PCDH7: variants seen among roughly 807,000 people sequenced by gnomAD.
The protein encoded by PCDH7 is protocadherin 7.
PCDH7 carries 17 observed loss-of-function variants against 58.9 expected under a neutral mutation model. The observed-to-expected ratio is 0.29, with a 90% CI of 0.20 to 0.43. PCDH7 has a LOEUF of 0.43. Ranked by LOEUF, PCDH7 falls within the 20% of genes least tolerant of loss-of-function variation. The pLI, the probability that PCDH7 is intolerant of heterozygous loss-of-function variation, is 1.00. For missense variants in PCDH7, 1,274 were observed against 1,441.0 expected (o/e 0.88, Z 1.88); for synonymous variants, 664 against 616.4 (o/e 1.08, Z -1.14).
intron 3 of PCDH7, among the ~76,000 whole-genome samples, chr4:31,061,211 A>G (rs934015925): frequency 2.6e-5 from 4 of 151,700 alleles, no homozygotes; most frequent in African/African-American, 9.7e-5. Flanking sequence ...TGTGGTTTGT[A>G]TCATTTGCAC....
intron 3 of PCDH7, among the ~76,000 whole-genome samples, chr4:31,014,212 A>G (rs958086645): frequency 1.2e-4 from 17 of 139,212 alleles, no homozygotes; most frequent in African/African-American, 4.2e-4. Context: ...AGGGAAACAG[A>G]AAAAAAATAG....
chr4:31,091,060 G>C (rs1713182764), intron 3 of PCDH7, among the ~76,000 whole-genome samples: 3 of 151,872 alleles, frequency 2.0e-5, no homozygotes, highest in Admixed American at 2.0e-4. Context: ...TTCATTTCTA[G>C]CCCAGTTCAT....
downstream of PCDH7, among the ~76,000 whole-genome samples, chr4:30,733,785 A>G (rs1274225211): frequency 6.6e-6 from 1 of 152,230 alleles, no homozygotes; most frequent in African/African-American, 2.4e-5. Flanking sequence ...CTGTGAAAAA[A>G]AATATTCAGT....
intron 1 of PCDH7, among the ~76,000 whole-genome samples, chr4:30,813,843 T>C (rs1409298498): frequency 1.3e-5 from 2 of 152,146 alleles, no homozygotes; most frequent in African/African-American, 4.8e-5. Context: ...GGTTTGACCA[T>C]GTTGGCCAGG....
In PCDH7 at chr4:31,046,057, G is replaced by T. The variant is rs1192593145; in HGVS notation, c.*7+95842G>T. Among the ~76,000 whole-genome samples, 6 of 152,006 alleles carry T rather than the reference G, an allele frequency of 3.9e-5. No homozygotes were observed. The East Asian group carries it at 1.2e-3, about 29-fold the overall frequency. ...CATTCTTTGCATCATCCACAACCCTGCTATCTACAGCAGCTTCCCCTGTCC... is the reference window on the plus strand; with the variant it reads ...CATTCTTTGCATCATCCACAACCCTTCTATCTACAGCAGCTTCCCCTGTCC... On this transcript the variant is annotated intron_variant, in intron 3 of 3. Transcript: ENST00000509759.
chr4:30,961,259 G>C (rs866140297), intron 3 of PCDH7, among the ~76,000 whole-genome samples: 3 of 151,712 alleles, frequency 2.0e-5, no homozygotes, highest in African/African-American at 7.3e-5. Flanking sequence ...ATAAAACCTT[G>C]GCACGCCGGG....
chr4:30,729,133 G>T (rs1715092727), intron 1 of PCDH7, among the ~76,000 whole-genome samples: 3 of 151,778 alleles, frequency 2.0e-5, no homozygotes, highest in African/African-American at 4.8e-5. Flanking sequence ...ACTTGATTGG[G>T]ATTACAAAAT....
chr4:30,813,981 A>G (rs896915346), intron 1 of PCDH7, among the ~76,000 whole-genome samples: 1 of 152,140 alleles, frequency 6.6e-6, no homozygotes, highest in African/African-American at 2.4e-5. Flanking sequence ...ATTATTTGAA[A>G]TAATATGCCT....
chr4:30,907,166 A>G (rs1396413554), intron 1 of PCDH7, among the ~76,000 whole-genome samples: 1 of 152,176 alleles, frequency 6.6e-6, no homozygotes, highest in Non-Finnish European at 1.5e-5. Context: ...GCAACTGTGT[A>G]TGAAGATGAA....
intron 3 of PCDH7, among the ~76,000 whole-genome samples, chr4:30,956,215 G>A (rs1330694767): frequency 6.7e-6 from 1 of 150,222 alleles, no homozygotes; most frequent in Non-Finnish European, 1.5e-5. Flanking sequence ...GCAACAGAGT[G>A]AGACTGCATC....
rs1560541185 is a variant in PCDH7 at position 30,968,288 on chromosome 4, C to CTA, written c.*7+18074_*7+18075insAT. On this transcript the variant is annotated intron_variant, in intron 3 of 3. Coordinates refer to the PCDH7 transcript ENST00000509759. ...AAAAATTGATCAAAGAAAAAAATTA[C>CTA]TCTCTCTCTCTCTCTATATATATAT... 1.5e-3 allele frequency among the ~76,000 whole-genome samples: 15 copies of CTA among 10,020 alleles called. 1 individual carries two copies. In the African/African-American group the frequency reaches 0.025, roughly 17 times the overall value. The allele number at this position is 10,020 out of a possible 152,430, so 6.6% of individuals were successfully genotyped here. A position where few individuals can be genotyped will look rare whatever the true frequency, so the allele number is the denominator to read the frequency against.
intron 3 of PCDH7, among the ~76,000 whole-genome samples, chr4:31,029,396 G>T (rs772864906): frequency 6.6e-6 from 1 of 152,164 alleles, no homozygotes; most frequent in South Asian, 2.1e-4. Flanking sequence ...ATCTAGAGGG[G>T]CGCTCAGCAG....
At chr4:30,874,048 G>A (rs1467203227) in intron 1 of PCDH7, among the ~76,000 whole-genome samples, 1 of 151,990 alleles carries the variant, frequency 6.6e-6, no homozygotes, top group African/African-American at 2.4e-5. Context: ...GGAAACAACA[G>A]GTGCTGGAGA....
chr4:30,735,290 T>C (rs1716093847), downstream of PCDH7, among the ~76,000 whole-genome samples: 2 of 152,188 alleles, frequency 1.3e-5, no homozygotes, highest in Admixed American at 1.3e-4. Flanking sequence ...GTTGTGCTAA[T>C]CCATGCTCAC....
chr4:30,895,694 C>T (rs992729645), intron 1 of PCDH7, among the ~76,000 whole-genome samples: 1 of 152,094 alleles, frequency 6.6e-6, no homozygotes, highest in Non-Finnish European at 1.5e-5. Flanking sequence ...CTCCTTCTTA[C>T]CCCTCCCCCA....
chr4:30,804,856 C>T (rs1725983626), intron 1 of PCDH7, among the ~76,000 whole-genome samples: 1 of 152,306 alleles, frequency 6.6e-6, no homozygotes, highest in African/African-American at 2.4e-5. Flanking sequence ...TTTCTGATCT[C>T]CTTCACCAAA....
intron 1 of PCDH7, chr4:30,884,900 T>C (rs1406997373): frequency 2.0e-5 from 3 of 152,112 alleles, no homozygotes; most frequent in African/African-American, 7.2e-5. Flanking sequence ...TATCTTTAGT[T>C]GTAGGGTAGG....
At chr4:30,965,683 G>T (rs1055583503) in intron 3 of PCDH7, among the ~76,000 whole-genome samples, 1 of 151,856 alleles carries the variant, frequency 6.6e-6, no homozygotes, top group African/African-American at 2.4e-5. Context: ...ATCATTTAAA[G>T]AAATAAAAAA....
chr4:30,905,840 A>G (rs773530997), intron 1 of PCDH7, among the ~76,000 whole-genome samples: 3 of 152,174 alleles, frequency 2.0e-5, no homozygotes, highest in Non-Finnish European at 2.9e-5. Flanking sequence ...CAGCCTTGCT[A>G]TCCTCTGCTA....
Sources: allele counts gnomAD v4.1 joint callset (sites outside exome capture counted in the v4.1 genomes callset), GRCh38; gene constraint gnomAD v4.1.1; transcripts MANE v1.5; gene names NCBI Gene and HGNC (gene_info 2026-07-23, HGNC 2026-07-21).